Variants in NOVA1 observed in about 807,000 individuals in gnomAD.
NOVA1 encodes NOVA alternative splicing regulator 1.
In NOVA1, 7 loss-of-function variants were observed where a neutral mutation model predicts 38.0. The ratio of observed to expected loss-of-function variants is 0.18; its 90% CI spans 0.10 to 0.35. The LOEUF (loss-of-function observed/expected upper bound fraction) is 0.35. Ranked by LOEUF, NOVA1 falls within the 10% of genes least tolerant of loss-of-function variation. The pLI, the probability that NOVA1 is intolerant of heterozygous loss-of-function variation, is 1.00. For synonymous variants in NOVA1, 270 were observed against 232.5 expected (o/e 1.16, Z -1.47); for missense variants, 460 against 616.0 (o/e 0.75, Z 2.68).
chr14:26,597,217 AGGAG>A, intron 1 of NOVA1, 80 bp downstream of exon 1: 2 of 878,554 alleles, frequency 2.3e-6, no homozygotes, highest in Non-Finnish European at 1.4e-6. Flanking sequence ...GAGGGAGGGA[AGGAG>A]GGAGGGAGGA....
chr14:26,473,725 T>C (rs1430587187), intron 3 of NOVA1, among the ~76,000 whole-genome samples: 1 of 151,982 alleles, frequency 6.6e-6, no homozygotes, highest in Non-Finnish European at 1.5e-5. Context: ...CATAGTCCAC[T>C]CCTCAAATAA....
intron 2 of NOVA1, among the ~76,000 whole-genome samples, chr14:26,496,942 TGTTCTTTTG>T (rs2138385381): frequency 6.6e-6 from 1 of 152,330 alleles, no homozygotes; most frequent in East Asian, 1.9e-4. Flanking sequence ...CCTCCAGCTT[TGTTCTTTTG>T]GCTTAGGATT....
intron 2 of NOVA1, among the ~76,000 whole-genome samples, chr14:26,519,873 GAA>G (rs1888745277): frequency 6.6e-6 from 1 of 152,160 alleles, no homozygotes; most frequent in South Asian, 2.1e-4. Flanking sequence ...TGTGATCACA[GAA>G]AAAAGTTATG....
At chr14:26,476,327 T>TC (rs542879812) in intron 3 of NOVA1, among the ~76,000 whole-genome samples, 25 of 151,714 alleles carry the variant, frequency 1.6e-4, no homozygotes, top group East Asian at 9.7e-4. Context: ...TTCTTTTTTT[T>TC]CCCCCCCAAA....
chr14:26,539,753 A>C (rs567872693), intron 2 of NOVA1, among the ~76,000 whole-genome samples: 5 of 152,316 alleles, frequency 3.3e-5, no homozygotes, highest in Non-Finnish European at 5.9e-5. Context: ...TAAACATTTC[A>C]AAAGCAAGGA....
rs201765968 is a variant in NOVA1, at chr14:26,553,599, G to A, written c.280+41811C>T. 7.2e-5 allele frequency among the ~76,000 whole-genome samples: 11 copies of A among 152,234 alleles called. No homozygotes were observed. The East Asian group carries it at 2.1e-3, about 29-fold the overall frequency. ...ACATGGAGTTGGAAGACAAGGTACA[G>A]ATAATTGGACTCCCTCTCTGCAAAA... On this transcript the variant is annotated intron_variant, in intron 2 of 4. Transcript: ENST00000539517.
chr14:26,453,929 C>T (rs1447053262), intron 4 of NOVA1, among the ~76,000 whole-genome samples: 1 of 152,110 alleles, frequency 6.6e-6, no homozygotes, highest in African/African-American at 2.4e-5. Context: ...TGTTATTTTA[C>T]TCAGTCATTC....
chr14:26,480,826 G>T (rs1008886250), intron 2 of NOVA1, among the ~76,000 whole-genome samples: 8 of 151,886 alleles, frequency 5.3e-5, no homozygotes, highest in African/African-American at 1.9e-4. Flanking sequence ...TGTCTTTATT[G>T]ATGATATAAT....
intron 2 of NOVA1, among the ~76,000 whole-genome samples, chr14:26,485,426 A>G (rs1040848030): frequency 6.6e-6 from 1 of 152,186 alleles, no homozygotes; most frequent in Non-Finnish European, 1.5e-5. Context: ...GGCACGTGGT[A>G]AAAGTTTTTT....
intron 2 of NOVA1, among the ~76,000 whole-genome samples, chr14:26,570,248 G>A (rs542060937): frequency 3.1e-4 from 47 of 152,094 alleles, no homozygotes; most frequent in Admixed American, 5.9e-4. Context: ...TTGAGAGGCT[G>A]AGTCAGGAAA....
At chr14:26,491,165 T>G (rs1208806317) in intron 2 of NOVA1, among the ~76,000 whole-genome samples, 2 of 151,894 alleles carry the variant, frequency 1.3e-5, no homozygotes, top group Non-Finnish European at 2.9e-5. Context: ...TGGCTAATTT[T>G]TTTTTAATTA....
chr14:26,597,334 C>A lies in NOVA1; in HGVS notation c.103G>T (p.Glu35Ter). The A allele has an allele frequency of 1.6e-6, 2 of 1,260,302 alleles. No homozygotes were observed. 78.1% of individuals were successfully genotyped at this position (1,260,302 alleles called of 1,614,324 possible). A position where few individuals can be genotyped will look rare whatever the true frequency, so the allele number is the denominator to read the frequency against. ...SRKRPLEAPP[E>*]AGSTKRTNTG... Reference sequence around the variant, plus strand: ...TTGGTCCTCTTGGTGCTGCCGGCTTCAGGGGGGGCTTCCAGCGGCCTTTTC... The same window carrying A: ...TTGGTCCTCTTGGTGCTGCCGGCTTAAGGGGGGGCTTCCAGCGGCCTTTTC... Residue 35 changes from glutamate to a stop codon, truncating the protein, a stop_gained, in exon 1 of 5, where the codon GAA (glutamate) becomes TAA (stop). Transcript: ENST00000539517. LOFTEE classifies it high-confidence loss of function.
chr14:26,479,987 C>T lies in NOVA1; in HGVS notation c.437G>A (p.Arg146His), dbSNP rs1885321608. The change falls in exon 3 of 5, where the codon CGC becomes CAC. Residue 146 changes from arginine (R) to histidine (H), a missense_variant. By Grantham distance (29) the Arg-to-His change is conservative. Coordinates refer to ENST00000539517, the MANE Select transcript of NOVA1 (RefSeq NM_002515.3). Reference sequence around the variant, plus strand: ...CAACTAAACACTCACTTGTTTGATGCGATCTGGATTAACGGTGGTCTGGGG... The same window carrying T: ...CAACTAAACACTCACTTGTTTGATGTGATCTGGATTAACGGTGGTCTGGGG... Reference protein sequence around the residue: ...LQPQTTVNPDRIKQTLPSSPT... With the variant: ...LQPQTTVNPDHIKQTLPSSPT... 1.2e-6 allele frequency: 2 copies of T among 1,613,188 alleles called. No individual in the cohort carries two copies. Among genetic ancestry groups the T allele is most frequent in the East Asian group, 2.2e-5 (1 of 44,830 alleles).
intron 2 of NOVA1, among the ~76,000 whole-genome samples, chr14:26,583,624 G>GA (rs1365041869): frequency 6.6e-6 from 1 of 151,150 alleles, no homozygotes; most frequent in Admixed American, 6.6e-5. Context: ...TTTTCTAAAT[G>GA]AAAAAACAGT....
intron 2 of NOVA1, among the ~76,000 whole-genome samples, chr14:26,587,564 C>T (rs1893603558): frequency 6.6e-6 from 1 of 150,866 alleles, no homozygotes; most frequent in African/African-American, 2.4e-5. Context: ...ATTACCTTCA[C>T]CACTTTTTAA....
intron 2 of NOVA1, among the ~76,000 whole-genome samples, chr14:26,485,752 T>A (rs1454996289): frequency 6.6e-6 from 1 of 152,164 alleles, no homozygotes; most frequent in Non-Finnish European, 1.5e-5. Flanking sequence ...TTTATATTCC[T>A]ACTGGAAATA....
intron 2 of NOVA1, among the ~76,000 whole-genome samples, chr14:26,542,393 A>G (rs1213032163): frequency 6.6e-6 from 1 of 151,888 alleles, no homozygotes; most frequent in Non-Finnish European, 1.5e-5. Flanking sequence ...CATGTATTAA[A>G]TAATTCTACT....
chr14:26,588,760 A>G lies in NOVA1; in HGVS notation c.280+6650T>C, dbSNP rs539343867. On this transcript the variant is annotated intron_variant, in intron 2 of 4. Coordinates refer to ENST00000539517, the MANE Select transcript of NOVA1 (RefSeq NM_002515.3). ...AAGAATTGATTAAAAATAGTCAATC[A>G]TGTCAAAAGAGAATAAAATAATTTA... Among the ~76,000 whole-genome samples the G allele has an allele frequency of 2.0e-4, 30 of 151,664 alleles. No homozygotes were observed. The South Asian group carries it at 3.9e-3, about 20-fold the overall frequency.
At chr14:26,498,377 A>T (rs970539364) in intron 2 of NOVA1, among the ~76,000 whole-genome samples, 1 of 152,004 alleles carries the variant, frequency 6.6e-6, no homozygotes, top group Non-Finnish European at 1.5e-5. Context: ...TTAATATGGG[A>T]TATTTCTAAG....
Sources: allele counts gnomAD v4.1 joint callset (sites outside exome capture counted in the v4.1 genomes callset), GRCh38; gene constraint gnomAD v4.1.1; transcripts MANE v1.5; gene names NCBI Gene and HGNC (gene_info 2026-07-23, HGNC 2026-07-21).